The following SLCO6A1 variants were observed in gnomAD, a reference collection of about 807,000 sequenced individuals.
SLCO6A1 encodes the protein solute carrier organic anion transporter family member 6A1.
In SLCO6A1, 65 loss-of-function variants were observed where a neutral mutation model predicts 72.7. That is an observed-to-expected ratio of 0.89 (90% CI 0.73 to 1.10). The LOEUF (loss-of-function observed/expected upper bound fraction) is 1.10. SLCO6A1 is among the 50% of genes least tolerant of loss of function. The probability of loss-of-function intolerance (pLI) is 0.00; values close to 1 mark genes in which losing one functional copy is unlikely to be tolerated. For synonymous variants in SLCO6A1, 314 were observed against 298.2 expected, an observed-to-expected ratio of 1.05 and a Z score of -0.55; for missense variants, 874 against 872.6, an observed-to-expected ratio of 1.00 and a Z score of -0.02.
chr5:102,386,968 C>T (rs968201533), intron 12 of SLCO6A1, among the ~76,000 whole-genome samples: 2 of 152,112 alleles, frequency 1.3e-5, no homozygotes, highest in Non-Finnish European at 2.9e-5. Flanking sequence ...ATTATACTTC[C>T]TACCCTCTTC....
At position 102,413,040 on chromosome 5, in the gene SLCO6A1, A is replaced by G; in HGVS notation, c.1576T>C (p.Ser526Pro). 5.8e-6 allele frequency: 9 copies of G among 1,564,400 alleles called. No homozygotes were observed. Among genetic ancestry groups the G allele is most frequent in the Non-Finnish European group, 7.7e-6 (9 of 1,162,096 alleles). ...TATGTACACCCTGCAAAGCAGGGAG[A>G]AAAATATTCAATATCATCTCTTCCA... ...ICGRDDIEYF[S>P]PCFAGCTYSK... Residue 526 changes from serine to proline, a missense_variant, in exon 9 of 14, where the codon TCT becomes CCT. Physicochemically the swap from Ser to Pro is moderately conservative, Grantham distance 74. Coordinates refer to ENST00000506729, the MANE Select transcript of SLCO6A1 (RefSeq NM_173488.5).
chr5:102,459,164 C>T (rs906703320), intron 5 of SLCO6A1, among the ~76,000 whole-genome samples: 14 of 152,084 alleles, frequency 9.2e-5, no homozygotes, highest in Non-Finnish European at 1.2e-4. Flanking sequence ...AATCTCAACG[C>T]GTTGTGAAGC....
At chr5:102,423,377 C>G (rs1748712617) in intron 7 of SLCO6A1, among the ~76,000 whole-genome samples, 1 of 151,950 alleles carries the variant, frequency 6.6e-6, no homozygotes, top group Non-Finnish European at 1.5e-5. Context: ...TTCAGGAGAC[C>G]CATCTCATGT....
chr5:102,420,015 A>G lies in SLCO6A1; in HGVS notation c.1283T>C (p.Val428Ala). The change falls in exon 8 of 14, where the codon GTT (valine) becomes GCT (alanine). Residue 428 changes from valine (V) to alanine (A), a missense_variant. Val to Ala is a moderately conservative substitution (Grantham distance 64). Transcript: ENST00000506729. ...PTVATTLAGL[V>A]LIPGGALGQL... is the part of the protein sequence containing the mutation. ...GCCAAGTGCACCTCCTGGAATTAAA[A>G]CAAGTCCTAAAAAAAAGGAGGAGAA... 6.4e-7 allele frequency: 1 copy of G among 1,568,038 alleles called. No individual in the cohort carries two copies. The highest frequency in any genetic ancestry group is 8.6e-7 in the Non-Finnish European group (1 of 1,165,828).
chr5:102,471,523 A>G (rs978216989), intron 4 of SLCO6A1, among the ~76,000 whole-genome samples: 3 of 152,082 alleles, frequency 2.0e-5, no homozygotes, highest in Admixed American at 2.0e-4. Flanking sequence ...TAGCGTTGTT[A>G]AAAGAACCCA....
chr5:102,408,138 A>C (rs1747772984), intron 9 of SLCO6A1, among the ~76,000 whole-genome samples: 1 of 152,216 alleles, frequency 6.6e-6, no homozygotes, highest in African/African-American at 2.4e-5. Context: ...CATACCTATA[A>C]TAAAGTTTAA....
chr5:102,401,799 C>G (rs920581004), intron 9 of SLCO6A1, among the ~76,000 whole-genome samples: 1 of 152,088 alleles, frequency 6.6e-6, no homozygotes, highest in African/African-American at 2.4e-5. Flanking sequence ...TCCTGATTTC[C>G]TATTAGGACT....
At chr5:102,480,940 C>A (rs1752164191) in intron 1 of SLCO6A1, among the ~76,000 whole-genome samples, 1 of 151,332 alleles carries the variant, frequency 6.6e-6, no homozygotes, top group Admixed American at 6.6e-5. Flanking sequence ...ATACATATGT[C>A]CTTAGACAAT....
intron 9 of SLCO6A1, among the ~76,000 whole-genome samples, chr5:102,409,881 G>A (rs553008351): frequency 6.6e-6 from 1 of 152,246 alleles, no homozygotes; most frequent in Admixed American, 6.5e-5. Flanking sequence ...GGCCTGTTCA[G>A]CTCTTGAATA....
At chr5:102,469,040 C>A (rs1024569439) in intron 4 of SLCO6A1, among the ~76,000 whole-genome samples, 8 of 152,100 alleles carry the variant, frequency 5.3e-5, no homozygotes, top group African/African-American at 1.9e-4. Flanking sequence ...GGTACCAGTA[C>A]CATGCTGTTT....
intron 8 of SLCO6A1, among the ~76,000 whole-genome samples, chr5:102,418,837 CA>C (rs1246042932): frequency 6.6e-6 from 1 of 152,124 alleles, no homozygotes; most frequent in African/African-American, 2.4e-5. Flanking sequence ...CCCTGATTTT[CA>C]TGGGATTTCT....
At position 102,449,619 on chromosome 5, in the gene SLCO6A1, C is replaced by T. The variant is rs992721505; in HGVS notation, c.1131+8763G>A. Among the ~76,000 whole-genome samples, 31 of 152,240 alleles carry T rather than the reference C, an allele frequency of 2.0e-4. No individual in the cohort carries two copies. The East Asian group carries it at 5.6e-3, about 28-fold the overall frequency. Reference sequence around the variant, plus strand: ...CCCAGGATGGTCTTGATCTCCTGACCTCGTGATCCGCCCGCCTCGGCCCCC... The same window carrying T: ...CCCAGGATGGTCTTGATCTCCTGACTTCGTGATCCGCCCGCCTCGGCCCCC... On this transcript the variant is annotated intron_variant, in intron 6 of 13. Coordinates refer to ENST00000506729, the MANE Select transcript of SLCO6A1 (RefSeq NM_173488.5).
chr5:102,492,562 C>T (rs959624624), intron 1 of SLCO6A1, among the ~76,000 whole-genome samples: 2 of 152,092 alleles, frequency 1.3e-5, no homozygotes, highest in South Asian at 4.1e-4. Flanking sequence ...GTGCAGCCCA[C>T]CGAGTGTGAG....
intron 12 of SLCO6A1, among the ~76,000 whole-genome samples, chr5:102,379,710 A>G (rs1023846908): frequency 6.6e-6 from 1 of 150,744 alleles, no homozygotes; most frequent in African/African-American, 2.4e-5. Flanking sequence ...TTCAACTTCA[A>G]TATTCTCATA....
intron 4 of SLCO6A1, among the ~76,000 whole-genome samples, chr5:102,471,739 C>G (rs938319169): frequency 6.6e-6 from 1 of 151,968 alleles, no homozygotes; most frequent in Non-Finnish European, 1.5e-5. Flanking sequence ...CTTCTAATAT[C>G]ACTCAGAATC....
chr5:102,406,977 A>G (rs1580367677), intron 9 of SLCO6A1, among the ~76,000 whole-genome samples: 1 of 142,344 alleles, frequency 7.0e-6, no homozygotes, highest in East Asian at 2.0e-4. Context: ...CGTTAAGCAG[A>G]ATTCCAAAAC....
At chr5:102,450,546 G>A (rs1750358900) in intron 6 of SLCO6A1, among the ~76,000 whole-genome samples, 1 of 152,178 alleles carries the variant, frequency 6.6e-6, no homozygotes, top group South Asian at 2.1e-4. Context: ...GAGAGTGTGG[G>A]CTCCTTTCCC....
chr5:102,489,175 G>C (rs1374377960), intron 1 of SLCO6A1, among the ~76,000 whole-genome samples: 1 of 152,178 alleles, frequency 6.6e-6, no homozygotes, highest in Non-Finnish European at 1.5e-5. Context: ...GGAGCAAAGT[G>C]GGTGGTTTTT....
intron 1 of SLCO6A1, among the ~76,000 whole-genome samples, chr5:102,492,770 C>T (rs1461162769): frequency 6.6e-6 from 1 of 152,208 alleles, no homozygotes; most frequent in African/African-American, 2.4e-5. Context: ...GTCCCATGCC[C>T]ACGAAGCCTC....
Sources: allele counts gnomAD v4.1 joint callset (sites outside exome capture counted in the v4.1 genomes callset), GRCh38; gene constraint gnomAD v4.1.1; transcripts MANE v1.5; gene names NCBI Gene and HGNC (gene_info 2026-07-23, HGNC 2026-07-21).